Variants in LY86 observed in about 807,000 individuals in gnomAD.
LY86 encodes MD-1, RP105-associated.
LY86 carries 20 observed loss-of-function variants against 17.3 expected under a neutral mutation model. That is an observed-to-expected ratio of 1.15 (90% confidence interval 0.81 to 1.68). The LOEUF is 1.68. Among genes scored for constraint, LY86 ranks in the 40% most tolerant of loss-of-function variants. LY86 has a pLI of 0.00. For synonymous variants in LY86, 74 were observed against 70.6 expected (o/e 1.05, Z -0.24); for missense variants, 200 against 191.9 (o/e 1.04, Z -0.25).
At chr6:6,594,630 T>C (rs1487923567) in intron 1 of LY86, among the ~76,000 whole-genome samples, 1 of 152,202 alleles carries the variant, frequency 6.6e-6, no homozygotes, top group Non-Finnish European at 1.5e-5. Flanking sequence ...CAGATGATTC[T>C]ACCCACAGAG....
At chr6:6,642,906 C>T (rs767261027) in intron 3 of LY86, among the ~76,000 whole-genome samples, 22 of 152,228 alleles carry the variant, frequency 1.4e-4, no homozygotes, top group Non-Finnish European at 2.5e-4. Flanking sequence ...TGGTCTGGAA[C>T]ATCCTTCCCA....
intron 3 of LY86, among the ~76,000 whole-genome samples, chr6:6,633,403 A>G (rs1344726113): frequency 1.3e-5 from 2 of 152,136 alleles, no homozygotes; most frequent in Non-Finnish European, 2.9e-5. Flanking sequence ...ATTATTTCCA[A>G]CTTCTATTTT....
intron 1 of LY86, among the ~76,000 whole-genome samples, chr6:6,623,657 G>C (rs1245862647): frequency 6.6e-6 from 1 of 152,170 alleles, no homozygotes; most frequent in African/African-American, 2.4e-5. Flanking sequence ...GCTTACTGTG[G>C]ATCAGACTGT....
intron 3 of LY86, among the ~76,000 whole-genome samples, chr6:6,648,002 CACACACACA>C (rs1762131495): frequency 7.6e-6 from 1 of 130,964 alleles, no homozygotes; most frequent in African/African-American, 2.9e-5. Flanking sequence ...CACACACACA[CACACACACA>C]CTTCCTCATC....
At chr6:6,595,891 AGGGCT>A (rs1760697945) in intron 1 of LY86, among the ~76,000 whole-genome samples, 2 of 152,180 alleles carry the variant, frequency 1.3e-5, no homozygotes, top group African/African-American at 2.4e-5. Context: ...CAGTGTGTGG[AGGGCT>A]GTGGGTGGTC....
chr6:6,652,210 G>A (rs1762197713), intron 4 of LY86, among the ~76,000 whole-genome samples: 1 of 152,088 alleles, frequency 6.6e-6, no homozygotes, highest in South Asian at 2.1e-4. Context: ...TGAGGGCATC[G>A]CATGTACAGC....
In LY86 at chr6:6,611,829, G is replaced by A. The variant is rs569314057; in HGVS notation, c.137-13097G>A. Reference sequence around the variant, plus strand: ...AACAATCGGACCGATAAAATAGCAGGGCTTTTGTCTCTCCTGTCAATCTAG... The same window carrying A: ...AACAATCGGACCGATAAAATAGCAGAGCTTTTGTCTCTCCTGTCAATCTAG... On this transcript the variant is annotated intron_variant, in intron 1 of 4. Coordinates refer to ENST00000230568, the MANE Select transcript of LY86 (RefSeq NM_004271.4). 5.9e-5 allele frequency among the ~76,000 whole-genome samples: 9 copies of A among 152,250 alleles called. No individual in the cohort carries two copies. The East Asian group carries it at 1.5e-3, about 26-fold the overall frequency.
intron 1 of LY86, among the ~76,000 whole-genome samples, chr6:6,592,029 G>A (rs1330273150): frequency 2.0e-5 from 3 of 152,168 alleles, no homozygotes; most frequent in Non-Finnish European, 4.4e-5. Flanking sequence ...AAAGATCCTC[G>A]GGCAGTAAGC....
chr6:6,603,618 A>C lies in LY86; in HGVS notation c.136+14748A>C, dbSNP rs908643942. On this transcript the variant is annotated intron_variant, in intron 1 of 4. Coordinates refer to ENST00000230568, the MANE Select transcript of LY86 (RefSeq NM_004271.4). ...AAAACAGAAACAGAAAAAAAAACAA[A>C]CAAAAAAAAACAAAACACACACACA... 5.3e-4 allele frequency among the ~76,000 whole-genome samples: 56 copies of C among 105,846 alleles called. 2 individuals are homozygous for C. The highest frequency in any genetic ancestry group is 1.4e-3 in the African/African-American group (41 of 28,690). The allele number at this position is 105,846 out of a possible 152,430, so 69.4% of individuals were successfully genotyped here.
At chr6:6,614,120 T>G (rs1379518363) in intron 1 of LY86, among the ~76,000 whole-genome samples, 1 of 152,210 alleles carries the variant, frequency 6.6e-6, no homozygotes, top group East Asian at 1.9e-4. Context: ...GGAAACAAAA[T>G]GGATGAGTTG....
At chr6:6,595,325 G>A (rs957719730) in intron 1 of LY86, among the ~76,000 whole-genome samples, 3 of 147,820 alleles carry the variant, frequency 2.0e-5, no homozygotes, top group Non-Finnish European at 3.0e-5. Context: ...TGGAAGAGGA[G>A]GAAGAGGAGA....
rs373207405 is a variant in LY86 at position 6,615,719 on chromosome 6, CA to C, written c.137-9187del. On this transcript the variant is annotated intron_variant, in intron 1 of 4. Transcript: ENST00000230568. ...CCTGGGTGACAGTGAGATGTTGTCT[CA>C]AAAAAAAAAAAAAAAAAAAGCTGGG... 3.2e-3 allele frequency among the ~76,000 whole-genome samples: 294 copies of C among 91,720 alleles called. 1 individual carries two copies. The highest frequency in any genetic ancestry group is 8.5e-3 in the African/African-American group (197 of 23,122). 60.2% of individuals were successfully genotyped at this position (91,720 alleles called of 152,430 possible). A position where few individuals can be genotyped will look rare whatever the true frequency, so the allele number is the denominator to read the frequency against.
At chr6:6,638,639 G>A (rs1373049401) in intron 3 of LY86, among the ~76,000 whole-genome samples, 1 of 150,876 alleles carries the variant, frequency 6.6e-6, no homozygotes, top group Non-Finnish European at 1.5e-5. Context: ...TGACCTAGTA[G>A]TATCTATACT....
intron 1 of LY86, among the ~76,000 whole-genome samples, chr6:6,606,169 G>GTTTA (rs1402725044): frequency 1.3e-5 from 2 of 152,076 alleles, no homozygotes; most frequent in Non-Finnish European, 2.9e-5. Flanking sequence ...TGATTGGTGC[G>GTTTA]TTTACAATCC....
At chr6:6,613,364 G>A (rs918779970) in intron 1 of LY86, among the ~76,000 whole-genome samples, 1 of 152,226 alleles carries the variant, frequency 6.6e-6, no homozygotes, top group Non-Finnish European at 1.5e-5. Flanking sequence ...CTGCTCATAA[G>A]CTCACAGCGG....
At chr6:6,604,329 A>C (rs1248460045) in intron 1 of LY86, among the ~76,000 whole-genome samples, 1 of 152,234 alleles carries the variant, frequency 6.6e-6, no homozygotes, top group African/African-American at 2.4e-5. Flanking sequence ...TATAAAATGT[A>C]TAGCTTCTTT....
intron 3 of LY86, among the ~76,000 whole-genome samples, chr6:6,635,263 A>G (rs1391874615): frequency 6.6e-6 from 1 of 152,220 alleles, no homozygotes; most frequent in Admixed American, 6.5e-5. Flanking sequence ...AACAAATTTT[A>G]TATTTACTAT....
intron 1 of LY86, among the ~76,000 whole-genome samples, chr6:6,593,633 T>A (rs1017004305): frequency 6.6e-6 from 1 of 152,242 alleles, no homozygotes; most frequent in Non-Finnish European, 1.5e-5. Context: ...GATTGAGGTA[T>A]AATAGACTCT....
intron 3 of LY86, among the ~76,000 whole-genome samples, chr6:6,639,229 G>A (rs1302601952): frequency 1.3e-5 from 2 of 151,982 alleles, no homozygotes; most frequent in Non-Finnish European, 2.9e-5. Context: ...CTACTCTCTG[G>A]CCCAGCCCTA....
Sources: allele counts gnomAD v4.1 joint callset (sites outside exome capture counted in the v4.1 genomes callset), GRCh38; gene constraint gnomAD v4.1.1; transcripts MANE v1.5; gene names NCBI Gene and HGNC (gene_info 2026-07-23, HGNC 2026-07-21).